Variants in THSD4 observed in about 807,000 individuals in gnomAD.
THSD4 encodes the protein thrombospondin type-1 domain-containing protein 4.
In THSD4, 69 loss-of-function variants were observed where a neutral mutation model predicts 119.0. The ratio of observed to expected loss-of-function variants is 0.58; its 90% CI spans 0.48 to 0.71. THSD4 has a LOEUF of 0.71. Among genes scored for constraint, THSD4 ranks in the 30% least tolerant of loss-of-function variants. THSD4 has a pLI of 0.00. For missense variants in THSD4, 1,393 were observed against 1,391.1 expected, an observed-to-expected ratio of 1.00 and a Z score of -0.02; for synonymous variants, 524 against 540.4, an observed-to-expected ratio of 0.97 and a Z score of 0.42.
chr15:71,649,354 A>T (rs1397532221), intron 7 of THSD4, among the ~76,000 whole-genome samples: 1 of 152,056 alleles, frequency 6.6e-6, no homozygotes, highest in Non-Finnish European at 1.5e-5. Flanking sequence ...ACTCACTGCA[A>T]TCTCTGCCTC....
chr15:71,775,239 C>T (rs952566214), intron 17 of THSD4, among the ~76,000 whole-genome samples: 2 of 151,698 alleles, frequency 1.3e-5, no homozygotes, highest in African/African-American at 2.4e-5. Context: ...ATACAGACAC[C>T]CCAAAAAAGA....
At chr15:71,624,350 A>G (rs987228135) in intron 7 of THSD4, among the ~76,000 whole-genome samples, 12 of 152,242 alleles carry the variant, frequency 7.9e-5, no homozygotes, top group Admixed American at 5.2e-4. Context: ...CATCCACAAC[A>G]ACAAAATAGA....
chr15:71,513,051 T>C (rs1187926089), intron 7 of THSD4, among the ~76,000 whole-genome samples: 1 of 152,230 alleles, frequency 6.6e-6, no homozygotes, highest in Non-Finnish European at 1.5e-5. Context: ...GGCTCAGGAA[T>C]GATAATCATG....
intron 6 of THSD4, among the ~76,000 whole-genome samples, chr15:71,297,896 C>T (rs2044888128): frequency 6.6e-6 from 1 of 152,100 alleles, no homozygotes; most frequent in Non-Finnish European, 1.5e-5. Context: ...TCCCATTCTG[C>T]CATTTGTCTT....
intron 3 of THSD4, among the ~76,000 whole-genome samples, chr15:71,163,629 G>C (rs1437701271): frequency 6.6e-6 from 1 of 151,762 alleles, no homozygotes; most frequent in Non-Finnish European, 1.5e-5. Flanking sequence ...ATTTATAAAG[G>C]GGCAAACCGT....
intron 8 of THSD4, among the ~76,000 whole-genome samples, chr15:71,722,763 T>C (rs1453691307): frequency 6.6e-6 from 1 of 152,236 alleles, no homozygotes; most frequent in Non-Finnish European, 1.5e-5. Flanking sequence ...GTCTCCCTTC[T>C]TATCTCCCAT....
At chr15:71,136,976 C>T (rs1344120470) in intron 1 of THSD4, among the ~76,000 whole-genome samples, 1 of 152,152 alleles carries the variant, frequency 6.6e-6, no homozygotes, top group African/African-American at 2.4e-5. Context: ...AGCCTTGGGC[C>T]TGCTGCTGCC....
chr15:71,498,076 G>A lies in THSD4; in HGVS notation c.1152+86253G>A, dbSNP rs548297815. On this transcript the variant is annotated intron_variant, in intron 7 of 17. Coordinates refer to ENST00000261862, the MANE Select transcript of THSD4 (RefSeq NM_024817.3). Reference sequence around the variant, plus strand: ...TGGCATGAAGCCAGCATGCGTTGGTGATAGAAATCGAATACTCACTCGAAT... The same window carrying A: ...TGGCATGAAGCCAGCATGCGTTGGTAATAGAAATCGAATACTCACTCGAAT... Among the ~76,000 whole-genome samples the A allele has an allele frequency of 1.4e-3, 213 of 152,320 alleles. 6 individuals are homozygous for A. In the South Asian group the frequency reaches 0.042, roughly 30 times the overall value.
intron 7 of THSD4, among the ~76,000 whole-genome samples, chr15:71,566,841 T>A (rs1055275175): frequency 3.3e-5 from 5 of 151,650 alleles, no homozygotes; most frequent in Admixed American, 2.6e-4. Context: ...CCTCCCTGTC[T>A]TTTCACCCTG....
intron 7 of THSD4, among the ~76,000 whole-genome samples, chr15:71,506,597 A>C (rs2048193037): frequency 6.6e-6 from 1 of 152,366 alleles, no homozygotes; most frequent in South Asian, 2.1e-4. Flanking sequence ...TGTCAACACA[A>C]GGTTATAGAA....
rs769044561 is a variant in THSD4 at position 71,660,559 on chromosome 15, C to T, written c.1182C>T (p.Ser394=). 31 of 1,613,946 alleles carry T rather than the reference C, an allele frequency of 1.9e-5. No individual in the cohort carries two copies. In the East Asian group the frequency reaches 5.1e-4, roughly 27 times the overall value. ...TTGGCTGTGATGACTACTTAGGCTC[C>T]GACAAAGTCGTGGACAAATGTGGGG... The part of the protein sequence containing the change: ...KSIGCDDYLG[S]DKVVDKCGVC... The change falls in exon 8 of 18, where the codon TCC becomes TCT. Residue 394 remains serine, a synonymous_variant. Coordinates refer to ENST00000261862, the MANE Select transcript of THSD4 (RefSeq NM_024817.3).
intron 4 of THSD4, among the ~76,000 whole-genome samples, chr15:71,241,083 C>T (rs1371714472): frequency 6.6e-6 from 1 of 152,152 alleles, no homozygotes; most frequent in African/African-American, 2.4e-5. Flanking sequence ...AGAATTTTCT[C>T]ATGAGGGCAG....
intron 6 of THSD4, among the ~76,000 whole-genome samples, chr15:71,292,862 G>A (rs1567183931): frequency 6.6e-6 from 1 of 152,052 alleles, no homozygotes; most frequent in Non-Finnish European, 1.5e-5. Flanking sequence ...ATTTTTAGTA[G>A]AGACAGGGTT....
chr15:71,608,067 C>CA (rs1388461918), intron 7 of THSD4, among the ~76,000 whole-genome samples: 1 of 151,622 alleles, frequency 6.6e-6, no homozygotes, highest in African/African-American at 2.4e-5. Flanking sequence ...ACTAAAAATA[C>CA]AAAAAATTAG....
intron 6 of THSD4, among the ~76,000 whole-genome samples, chr15:71,357,223 G>A (rs2140414617): frequency 6.6e-6 from 1 of 152,308 alleles, no homozygotes; most frequent in South Asian, 2.1e-4. Flanking sequence ...ATAGTCTTTA[G>A]ATTTGGTGGC....
intron 7 of THSD4, among the ~76,000 whole-genome samples, chr15:71,553,951 A>G (rs2048973923): frequency 6.6e-6 from 1 of 152,086 alleles, no homozygotes; most frequent in East Asian, 1.9e-4. Context: ...CTTTTTAAAT[A>G]AGTGTTATTG....
intron 8 of THSD4, 111 bp from the exon 9 acceptor site, chr15:71,728,438 G>A (rs1054804805): frequency 2.4e-5 from 32 of 1,311,432 alleles, no homozygotes; most frequent in Non-Finnish European, 3.1e-5. Flanking sequence ...GCACATAGTG[G>A]ATCCTGTCAA....
chr15:71,547,819 T>A (rs191859625), intron 7 of THSD4: 136 of 181,358 alleles, frequency 7.5e-4, no homozygotes, highest in African/African-American at 3.0e-3. Flanking sequence ...CGTTAGGGAC[T>A]GTTACCTTTT....
rs747712826 is a variant in THSD4 at position 71,296,415 on chromosome 15, T to A, written c.1015+39700T>A. ...TTCAGATACATCTGGTTCGTGGATA[T>A]GTGTTTCGGCCCACTAAGACCGGAT... On this transcript the variant is annotated intron_variant, in intron 6 of 17. Coordinates refer to ENST00000261862, the MANE Select transcript of THSD4 (RefSeq NM_024817.3). Among the ~76,000 whole-genome samples the A allele has an allele frequency of 2.0e-5, 3 of 152,210 alleles. 1 individual carries two copies. Among genetic ancestry groups the A allele is most frequent in the Admixed American group, 2.0e-4 (3 of 15,286 alleles).
Sources: gnomAD v4.1 joint callset for allele counts (sites outside exome capture counted in the v4.1 genomes callset) on GRCh38, gnomAD v4.1.1 for gene constraint, MANE v1.5 for transcripts, NCBI Gene and HGNC (gene_info 2026-07-23, HGNC 2026-07-21) for gene names.